Variants in ATP2B2 observed in about 807,000 individuals in gnomAD.
ATP2B2 encodes ATPase plasma membrane Ca2+ transporting 2, also known as plasma membrane calcium-transporting ATPase 2.
In ATP2B2, 15 loss-of-function variants were observed where a neutral mutation model predicts 120.0. That is an observed-to-expected ratio of 0.12 (90% CI 0.08 to 0.19). The LOEUF is 0.19. Among genes scored for constraint, ATP2B2 ranks in the 10% least tolerant of loss-of-function variants. The probability of loss-of-function intolerance (pLI) is 1.00; values close to 1 mark genes in which losing one functional copy is unlikely to be tolerated. For missense variants in ATP2B2, 1,045 were observed against 1,719.8 expected (o/e 0.61, Z 6.94); for synonymous variants, 694 against 700.3 (o/e 0.99, Z 0.14).
At chr3:10,673,443 CAAAG>C (rs1284122823) in intron 1 of ATP2B2, among the ~76,000 whole-genome samples, 4 of 143,760 alleles carry the variant, frequency 2.8e-5, no homozygotes, top group African/African-American at 5.2e-5. Context: ...AAGAAAGAAA[CAAAG>C]AAAGAGAGAG....
At chr3:10,580,158 G>A (rs2068355559) in intron 2 of ATP2B2, among the ~76,000 whole-genome samples, 1 of 152,202 alleles carries the variant, frequency 6.6e-6, no homozygotes, top group Non-Finnish European at 1.5e-5. Flanking sequence ...AGGTGACAGG[G>A]CTGGATGGCA....
intron 3 of ATP2B2, among the ~76,000 whole-genome samples, chr3:10,405,407 C>T (rs543210870): frequency 2.0e-5 from 3 of 152,206 alleles, no homozygotes; most frequent in Non-Finnish European, 2.9e-5. Context: ...CTGCTCGTCA[C>T]GCGGTGCCAA....
chr3:10,623,543 G>A (rs1190670163), intron 1 of ATP2B2, among the ~76,000 whole-genome samples: 1 of 145,700 alleles, frequency 6.9e-6, no homozygotes, highest in Admixed American at 6.9e-5. Flanking sequence ...AATCAGGGAG[G>A]CTTCATTGAA....
At chr3:10,421,822 C>A (rs938988064) in intron 2 of ATP2B2, among the ~76,000 whole-genome samples, 2 of 152,220 alleles carry the variant, frequency 1.3e-5, no homozygotes, top group Admixed American at 6.5e-5. Flanking sequence ...CATCTGGCTT[C>A]GAACCCAGGA....
intron 2 of ATP2B2, 135 bp downstream of exon 2, chr3:10,449,210 T>C: frequency 9.8e-7 from 1 of 1,023,892 alleles, no homozygotes; most frequent in Non-Finnish European, 1.4e-6. Context: ...TAGAATGCAC[T>C]ACAATGGCCA....
intron 4 of ATP2B2, 64 bp from the exon 5 acceptor site, chr3:10,401,142 C>G: frequency 6.3e-7 from 1 of 1,595,480 alleles, no homozygotes; most frequent in Non-Finnish European, 8.6e-7. Context: ...GGAACATTCC[C>G]TTAAAGGTGC....
At chr3:10,520,309 G>C (rs997760140) in intron 3 of ATP2B2, among the ~76,000 whole-genome samples, 1 of 152,204 alleles carries the variant, frequency 6.6e-6, no homozygotes, top group African/African-American at 2.4e-5. Context: ...CAAGCAGCAG[G>C]GGAGGGGGGT....
At chr3:10,388,117 A>T in intron 6 of ATP2B2, 160 bp downstream of exon 6, 1 of 1,002,422 alleles carries the variant, frequency 1.0e-6, no homozygotes, top group South Asian at 1.3e-5. Context: ...GACAGAGCCT[A>T]CCTGGCCCAT....
chr3:10,338,964 C>T (rs531187745), intron 21 of ATP2B2: 13 of 155,182 alleles, frequency 8.4e-5, no homozygotes, highest in South Asian at 7.9e-4. Flanking sequence ...CTAATCTTCC[C>T]CAAAAGGCTT....
At chr3:10,396,565 T>C (rs984029265) in intron 5 of ATP2B2, among the ~76,000 whole-genome samples, 1 of 152,218 alleles carries the variant, frequency 6.6e-6, no homozygotes, top group African/African-American at 2.4e-5. Context: ...TCCCCGCTGA[T>C]GTAAAGGGCC....
chr3:10,345,757 T>A (rs2060412882), intron 17 of ATP2B2, among the ~76,000 whole-genome samples, 182 bp from the exon 18 acceptor site: 1 of 152,058 alleles, frequency 6.6e-6, no homozygotes. Context: ...CCCTTCACCC[T>A]CAGGAAGCCT....
chr3:10,556,454 C>T (rs891162725), intron 2 of ATP2B2, among the ~76,000 whole-genome samples: 1 of 152,180 alleles, frequency 6.6e-6, no homozygotes, highest in Non-Finnish European at 1.5e-5. Context: ...GAGAGGATTG[C>T]CGTTGTGAAG....
intron 3 of ATP2B2, 76 bp downstream of exon 3, chr3:10,410,542 G>A (rs902497836): frequency 3.4e-6 from 5 of 1,474,712 alleles, no homozygotes; most frequent in South Asian, 1.3e-5. Context: ...TTATTTGTGT[G>A]AGCCGTGAGT....
intron 1 of ATP2B2, among the ~76,000 whole-genome samples, chr3:10,646,243 G>A (rs1354586975): frequency 3.3e-5 from 5 of 152,116 alleles, no homozygotes; most frequent in African/African-American, 1.2e-4. Context: ...TCCTTCTCAC[G>A]TTGTCCTGGG....
intron 1 of ATP2B2, among the ~76,000 whole-genome samples, chr3:10,452,488 C>T (rs978664691): frequency 2.1e-4 from 32 of 152,182 alleles, no homozygotes; most frequent in African/African-American, 7.7e-4. Context: ...AAGCAGTGCT[C>T]TTCCTGCTGC....
chr3:10,446,594 C>A (rs2063844086), intron 2 of ATP2B2, among the ~76,000 whole-genome samples: 1 of 152,196 alleles, frequency 6.6e-6, no homozygotes, highest in Admixed American at 6.5e-5. Flanking sequence ...ACCTGGGATG[C>A]CCAAGTTTGG....
intron 2 of ATP2B2, among the ~76,000 whole-genome samples, chr3:10,432,881 G>A (rs1381822604): frequency 6.6e-6 from 1 of 152,242 alleles, no homozygotes; most frequent in African/African-American, 2.4e-5. Flanking sequence ...GCCAGGGTTA[G>A]ATTCTCTGAT....
chr3:10,449,258 G>A lies in ATP2B2; in HGVS notation c.199+87C>T, dbSNP rs566616126. The A allele has an allele frequency of 1.3e-5, 19 of 1,430,232 alleles. No homozygotes were observed. The African/African-American group carries it at 2.5e-4, about 19-fold the overall frequency. 88.6% of individuals were successfully genotyped at this position (1,430,232 alleles called of 1,614,324 possible). A position where few individuals can be genotyped will look rare whatever the true frequency, so the allele number is the denominator to read the frequency against. On this transcript the variant is annotated intron_variant, in intron 2 of 22. Coordinates refer to ENST00000360273, the MANE Select transcript of ATP2B2 (RefSeq NM_001001331.4). ...AGCCTTTCTCTGACACATCCCTGCT[G>A]TTACATATTATGAATATGGTCCCTG...
intron 2 of ATP2B2, among the ~76,000 whole-genome samples, chr3:10,445,234 G>C (rs1256458258): frequency 1.3e-5 from 2 of 152,236 alleles, no homozygotes; most frequent in African/African-American, 4.8e-5. Context: ...ATTTGCATGA[G>C]GTGGGTACTG....
Sources: allele counts gnomAD v4.1 joint callset (sites outside exome capture counted in the v4.1 genomes callset), GRCh38; gene constraint gnomAD v4.1.1; transcripts MANE v1.5; gene names NCBI Gene and HGNC (gene_info 2026-07-23, HGNC 2026-07-21).